Variants in NR3C2 observed in about 807,000 individuals in gnomAD.
NR3C2 encodes the protein nuclear receptor subfamily 3 group C member 2, also known as mineralocorticoid receptor.
Under a neutral mutation model 86.4 loss-of-function variants are expected in NR3C2, and 15 were observed. The ratio of observed to expected loss-of-function variants is 0.17; its 90% CI spans 0.12 to 0.27. The LOEUF (loss-of-function observed/expected upper bound fraction) is 0.27. NR3C2 is among the 10% of genes least tolerant of loss of function. NR3C2 has a pLI of 1.00. For synonymous variants in NR3C2, 458 were observed against 450.5 expected (o/e 1.02, Z -0.21); for missense variants, 960 against 1,195.6 (o/e 0.80, Z 2.91).
chr4:148,217,277 G>A (rs1208434831), intron 3 of NR3C2, among the ~76,000 whole-genome samples: 2 of 152,074 alleles, frequency 1.3e-5, no homozygotes, highest in Non-Finnish European at 2.9e-5. Flanking sequence ...CTAACCTAGT[G>A]GAAACCACAC....
intron 2 of NR3C2, among the ~76,000 whole-genome samples, chr4:148,413,183 G>GT (rs907227550): frequency 6.6e-6 from 1 of 152,058 alleles, no homozygotes; most frequent in Non-Finnish European, 1.5e-5. Flanking sequence ...CTCACTCTTC[G>GT]TAAGTCACAG....
intron 4 of NR3C2, among the ~76,000 whole-genome samples, chr4:148,185,611 T>C (rs1242403875): frequency 6.6e-6 from 1 of 152,220 alleles, no homozygotes; most frequent in Non-Finnish European, 1.5e-5. Flanking sequence ...TTAGTTTTCC[T>C]TATCGCATCT....
At chr4:148,362,137 C>G (rs1745870411) in intron 2 of NR3C2, among the ~76,000 whole-genome samples, 1 of 152,202 alleles carries the variant, frequency 6.6e-6, no homozygotes, top group Non-Finnish European at 1.5e-5. Flanking sequence ...CCACACCCAG[C>G]CCCTAAAATT....
At position 148,436,835 on chromosome 4, in the gene NR3C2, A is replaced by G; in HGVS notation, c.26T>C (p.Leu9Pro). Residue 9 changes from leucine (L) to proline (P), a missense_variant, in exon 2 of 9, where the codon CTC (leucine) becomes CCC (proline). Around this residue, in one of 4 missense-constraint regions of NR3C2, gnomAD observed 680 missense variants for 719.0 expected, o/e 0.95. Coordinates refer to ENST00000358102, the MANE Select transcript of NR3C2 (RefSeq NM_000901.5). METKGYHS[L>P]PEGLDMERRW... ...TCTTTCCATATCTAGACCTTCAGGGAGACTGTGGTAGCCTTTGGTCTCCAT... is the reference window on the plus strand; with the variant it reads ...TCTTTCCATATCTAGACCTTCAGGGGGACTGTGGTAGCCTTTGGTCTCCAT... 2 of 1,611,240 alleles carry G rather than the reference A, an allele frequency of 1.2e-6. No homozygotes were observed. The highest frequency in any genetic ancestry group is 1.1e-5 in the South Asian group (1 of 91,044).
chr4:148,438,388 A>G (rs1044792820), intron 1 of NR3C2, among the ~76,000 whole-genome samples: 2 of 152,232 alleles, frequency 1.3e-5, no homozygotes, highest in Admixed American at 6.5e-5. Flanking sequence ...ACTCACTCAC[A>G]GTAAAATTTT....
chr4:148,276,790 T>G (rs994876389), intron 2 of NR3C2, among the ~76,000 whole-genome samples: 1 of 152,164 alleles, frequency 6.6e-6, no homozygotes, highest in African/African-American at 2.4e-5. Context: ...TTCCAAAGTA[T>G]AAGGGGAGAC....
chr4:148,166,109 T>C (rs1354864253), intron 4 of NR3C2, among the ~76,000 whole-genome samples: 2 of 152,220 alleles, frequency 1.3e-5, no homozygotes, highest in Non-Finnish European at 2.9e-5. Flanking sequence ...ATGATGCATG[T>C]ACTTCAAAAA....
intron 3 of NR3C2, among the ~76,000 whole-genome samples, chr4:148,259,485 A>C (rs1739990078): frequency 6.6e-6 from 1 of 152,192 alleles, no homozygotes; most frequent in African/African-American, 2.4e-5. Context: ...AATAAAGGTG[A>C]GACTCACACA....
At chr4:148,372,136 AC>A (rs1423593090) in intron 2 of NR3C2, among the ~76,000 whole-genome samples, 1 of 152,190 alleles carries the variant, frequency 6.6e-6, no homozygotes, top group Admixed American at 6.5e-5. Context: ...AGTCCTTTAA[AC>A]TAGAATGTAT....
chr4:148,113,970 G>A, intron 8 of NR3C2, 134 bp downstream of exon 8: 1 of 1,052,890 alleles, frequency 9.5e-7, no homozygotes, highest in Admixed American at 2.0e-5. Context: ...CCTTGGACAT[G>A]GCGATATCCT....
At chr4:148,389,848 G>T (rs922995216) in intron 2 of NR3C2, among the ~76,000 whole-genome samples, 1 of 151,678 alleles carries the variant, frequency 6.6e-6, no homozygotes, top group Non-Finnish European at 1.5e-5. Flanking sequence ...TAATACTAAA[G>T]GCATAAAGAG....
At chr4:148,356,822 TC>T (rs1745568865) in intron 2 of NR3C2, among the ~76,000 whole-genome samples, 1 of 147,996 alleles carries the variant, frequency 6.8e-6, no homozygotes, top group African/African-American at 2.5e-5. Flanking sequence ...AAATAGTCAT[TC>T]AAACAGTCTG....
chr4:148,339,135 G>C, intron 2 of NR3C2, among the ~76,000 whole-genome samples: 1 of 152,086 alleles, frequency 6.6e-6, no homozygotes, highest in Non-Finnish European at 1.5e-5. Context: ...GAGGTAGATG[G>C]GTAAGACAAT....
chr4:148,289,610 T>C (rs1027774804), intron 2 of NR3C2, among the ~76,000 whole-genome samples: 1 of 152,174 alleles, frequency 6.6e-6, no homozygotes, highest in South Asian at 2.1e-4. Context: ...TATAACAACA[T>C]ACCTTAGACT....
intron 8 of NR3C2, among the ~76,000 whole-genome samples, chr4:148,112,793 A>T (rs1732101497): frequency 6.6e-6 from 1 of 152,230 alleles, no homozygotes; most frequent in Admixed American, 6.5e-5. Flanking sequence ...CCACAGAGAG[A>T]TAACATTCCG....
chr4:148,296,953 C>T (rs986030377), intron 2 of NR3C2, among the ~76,000 whole-genome samples: 1 of 152,184 alleles, frequency 6.6e-6, no homozygotes, highest in Non-Finnish European at 1.5e-5. Flanking sequence ...TATTTTGACA[C>T]ACACTATCCA....
At chr4:148,326,050 G>T (rs1174027911) in intron 2 of NR3C2, among the ~76,000 whole-genome samples, 1 of 152,126 alleles carries the variant, frequency 6.6e-6, no homozygotes, top group African/African-American at 2.4e-5. Context: ...CAACCAGCAA[G>T]ATCAATGGAC....
chr4:148,253,250 C>G (rs1254128989), intron 3 of NR3C2, among the ~76,000 whole-genome samples: 1 of 152,168 alleles, frequency 6.6e-6, no homozygotes. Context: ...AAACCAGATT[C>G]CCTCAATATC....
chr4:148,089,904 A>G (rs1730984047), intron 8 of NR3C2, among the ~76,000 whole-genome samples: 1 of 152,220 alleles, frequency 6.6e-6, no homozygotes, highest in African/African-American at 2.4e-5. Context: ...GGGTGCCTGC[A>G]GGGCTGTGAG....
Sources: allele counts gnomAD v4.1 joint callset (sites outside exome capture counted in the v4.1 genomes callset), GRCh38; gene constraint gnomAD v4.1.1; regional missense constraint gnomAD v4.1.1; transcripts MANE v1.5; gene names NCBI Gene and HGNC (gene_info 2026-07-23, HGNC 2026-07-21).